XKR9: variants seen among roughly 807,000 people sequenced by gnomAD.
XKR9 encodes XK-related protein 9.
Under a neutral mutation model 32.0 loss-of-function variants are expected in XKR9, and 32 were observed. The observed-to-expected ratio is 1.00, with a 90% confidence interval of 0.76 to 1.34. XKR9 has a LOEUF of 1.34. Among genes scored for constraint, XKR9 ranks in the 40% most tolerant of loss-of-function variants. The pLI is 0.00. For synonymous variants in XKR9, 168 were observed against 143.4 expected (o/e 1.17, Z -1.22); for missense variants, 546 against 429.7 (o/e 1.27, Z -2.39).
chr8:70,784,787 G>A (rs1231698875), intron 2 of XKR9, among the ~76,000 whole-genome samples: 1 of 152,046 alleles, frequency 6.6e-6, no homozygotes, highest in Non-Finnish European at 1.5e-5. Flanking sequence ...GATCTTAGAG[G>A]AAATGCTTTC....
the XKR9 span, among the ~76,000 whole-genome samples, chr8:70,807,959 T>C: frequency 6.6e-6 from 1 of 152,160 alleles, no homozygotes; most frequent in South Asian, 2.1e-4. Context: ...ACAGACTATA[T>C]ATTCTTCTCA....
the XKR9 span, among the ~76,000 whole-genome samples, chr8:70,812,059 C>T: frequency 6.6e-6 from 1 of 151,954 alleles, no homozygotes; most frequent in East Asian, 1.9e-4. Flanking sequence ...ACTGGCAAAC[C>T]GAATCCAGCA....
At chr8:70,700,204 G>A (rs922127170) in intron 3 of XKR9, among the ~76,000 whole-genome samples, 2 of 152,224 alleles carry the variant, frequency 1.3e-5, no homozygotes, top group Admixed American at 1.3e-4. Flanking sequence ...TCTCTGTCCA[G>A]CTTTGTTCCA....
chr8:70,794,491 T>C (rs575757833), downstream of XKR9, among the ~76,000 whole-genome samples: 5 of 152,244 alleles, frequency 3.3e-5, no homozygotes, highest in South Asian at 2.1e-4. Context: ...TATAGGTTTT[T>C]CATATGACCT....
At chr8:71,030,852 A>G in the XKR9 span, among the ~76,000 whole-genome samples, 1 of 152,192 alleles carries the variant, frequency 6.6e-6, no homozygotes, top group South Asian at 2.1e-4. Context: ...TATAGGAGAA[A>G]TCTTGACCCT....
intron 4 of XKR9, among the ~76,000 whole-genome samples, chr8:70,712,646 T>C (rs966247406): frequency 3.3e-5 from 5 of 152,126 alleles, no homozygotes; most frequent in Admixed American, 2.0e-4. Context: ...GAGAAAAACG[T>C]CCTTGAGAAG....
intron 2 of XKR9, among the ~76,000 whole-genome samples, chr8:70,767,028 A>G (rs563688055): frequency 3.9e-5 from 6 of 152,298 alleles, no homozygotes; most frequent in East Asian, 3.9e-4. Flanking sequence ...TTTCACATCA[A>G]TGTTCATCAG....
the XKR9 span, among the ~76,000 whole-genome samples, chr8:70,840,686 G>T: frequency 6.6e-6 from 1 of 152,106 alleles, no homozygotes; most frequent in African/African-American, 2.4e-5. Flanking sequence ...TCCCTGAGAG[G>T]CCTGTGCATC....
intron 2 of XKR9, among the ~76,000 whole-genome samples, chr8:70,788,113 C>A (rs1285940548): frequency 6.6e-6 from 1 of 151,984 alleles, no homozygotes; most frequent in Non-Finnish European, 1.5e-5. Context: ...ACCAGCTGAC[C>A]AGAGTTCAAA....
At chr8:70,825,631 G>A in the XKR9 span, among the ~76,000 whole-genome samples, 1 of 152,052 alleles carries the variant, frequency 6.6e-6, no homozygotes, top group African/African-American at 2.4e-5. Flanking sequence ...GTTATTTCAT[G>A]GGACCACCCT....
the XKR9 span, among the ~76,000 whole-genome samples, chr8:70,815,042 G>A: frequency 6.6e-6 from 1 of 152,156 alleles, no homozygotes; most frequent in Non-Finnish European, 1.5e-5. Context: ...GTAGATAAAA[G>A]ATCTCTATAA....
At chr8:71,031,134 T>G in the XKR9 span, among the ~76,000 whole-genome samples, 221 of 152,326 alleles carry the variant, frequency 1.5e-3, 3 homozygotes, top group Non-Finnish European at 2.2e-4. Context: ...TAAATATTAG[T>G]TGAACTCAGT....
At chr8:70,846,682 G>A in the XKR9 span, among the ~76,000 whole-genome samples, 3 of 151,644 alleles carry the variant, frequency 2.0e-5, no homozygotes, top group Non-Finnish European at 1.5e-5. Context: ...GCAAAGAGAT[G>A]GAAAAAGATG....
chr8:71,045,476 G>C, the XKR9 span, among the ~76,000 whole-genome samples: 1 of 152,216 alleles, frequency 6.6e-6, no homozygotes, highest in Non-Finnish European at 1.5e-5. Flanking sequence ...CCAGATCCCA[G>C]TGGAGAGGAC....
chr8:70,937,089 C>T, the XKR9 span, among the ~76,000 whole-genome samples: 43 of 152,030 alleles, frequency 2.8e-4, no homozygotes, highest in East Asian at 5.6e-3. Context: ...TTCACACACA[C>T]ACATGCACAC....
the XKR9 span, among the ~76,000 whole-genome samples, chr8:70,947,861 T>C: frequency 6.6e-6 from 1 of 152,240 alleles, no homozygotes; most frequent in African/African-American, 2.4e-5. Flanking sequence ...CTTATTTTCC[T>C]AAATATAAAT....
the XKR9 span, among the ~76,000 whole-genome samples, chr8:70,929,657 C>A: frequency 6.6e-6 from 1 of 152,328 alleles, no homozygotes; most frequent in Non-Finnish European, 1.5e-5. Flanking sequence ...CCAGGGTTTG[C>A]TCTCAGCATC....
At chr8:71,004,503 G>T in the XKR9 span, among the ~76,000 whole-genome samples, 1 of 152,194 alleles carries the variant, frequency 6.6e-6, no homozygotes, top group East Asian at 1.9e-4. Flanking sequence ...CCTTCAAAAG[G>T]CTTACAGTTT....
chr8:70,753,094 T>C (rs1807165961), intron 2 of XKR9, among the ~76,000 whole-genome samples: 1 of 152,090 alleles, frequency 6.6e-6, no homozygotes, highest in African/African-American at 2.4e-5. Context: ...TCACCACCGA[T>C]CCCACAGAAA....
Sources: gnomAD v4.1 joint callset for allele counts (sites outside exome capture counted in the v4.1 genomes callset) on GRCh38, gnomAD v4.1.1 for gene constraint, MANE v1.5 for transcripts, NCBI Gene and HGNC (gene_info 2026-07-23, HGNC 2026-07-21) for gene names.